The following SEC24D variants were observed in gnomAD, a reference collection of about 807,000 sequenced individuals.
The protein encoded by SEC24D is SEC24 homolog D, COPII component.
Under a neutral mutation model 116.9 loss-of-function variants are expected in SEC24D, and 69 were observed. The ratio of observed to expected loss-of-function variants is 0.59; its 90% CI spans 0.49 to 0.72. The LOEUF (loss-of-function observed/expected upper bound fraction) is 0.72, where lower values mean the gene tolerates loss of function less well. Among genes scored for constraint, SEC24D ranks in the 30% least tolerant of loss-of-function variants. The pLI is 0.00. For synonymous variants in SEC24D, 405 were observed against 442.8 expected (o/e 0.91, Z 1.07); for missense variants, 1,131 against 1,264.1 (o/e 0.89, Z 1.60).
Position 118,780,294 on chromosome 4 carries a change from C to T in SEC24D, c.1042-11983G>A, listed in dbSNP as rs186278003. Among the ~76,000 whole-genome samples the T allele has an allele frequency of 1.3e-4, 20 of 152,242 alleles. No homozygotes were observed. In the East Asian group the frequency reaches 3.1e-3, roughly 23 times the overall value. ...TATATGTGTCCCAGAGATTCTGGCA[C>T]ATTGTGTCTTTGTTCTCATTGGTTT... On this transcript the variant is annotated intron_variant, in intron 8 of 22. Coordinates refer to ENST00000280551, the MANE Select transcript of SEC24D (RefSeq NM_014822.4).
At position 118,751,859 on chromosome 4, in the gene SEC24D, G is replaced by A. The variant is rs1246950736; in HGVS notation, c.1707+137C>T. The A allele has an allele frequency of 2.3e-5, 15 of 661,912 alleles. No homozygotes were observed. In the Middle Eastern group the frequency reaches 1.0e-3, roughly 45 times the overall value. 41.0% of individuals were successfully genotyped at this position (661,912 alleles called of 1,614,324 possible). A position where few individuals can be genotyped will look rare whatever the true frequency, so the allele number is the denominator to read the frequency against. On this transcript the variant is annotated intron_variant, in intron 13 of 22. Coordinates refer to ENST00000280551, the MANE Select transcript of SEC24D (RefSeq NM_014822.4). ...TTGGTCATTTCCTCCTGAGATCTGA[G>A]TGGAAGTTTGGAATAGCCTCTAGTG...
rs201005070 is a variant in SEC24D at position 118,728,650 on chromosome 4, T to C, written c.2869A>G (p.Thr957Ala). The change falls in exon 22 of 23, where the codon ACA (threonine) becomes GCA (alanine). Residue 957 changes from threonine to alanine, a missense_variant and splice_region_variant. By Grantham distance (58) the Thr-to-Ala change is moderately conservative. Coordinates refer to ENST00000280551, the MANE Select transcript of SEC24D (RefSeq NM_014822.4). The stretch of plus-strand genomic sequence containing the variant: ...GGGTTTCCCACTTCAGGCAGCAATG[T>C]CTTAGATTTAAGAAAATCAAAGTTT... ...PSFAHINTDM[T>A]LLPEVGNPYS... 107 of 1,589,420 alleles carry C rather than the reference T, an allele frequency of 6.7e-5. No individual in the cohort carries two copies. In the East Asian group the frequency reaches 2.1e-3, roughly 31 times the overall value.
intron 6 of SEC24D, among the ~76,000 whole-genome samples, chr4:118,807,906 CTG>C (rs1477663919): frequency 2.0e-5 from 3 of 152,312 alleles, no homozygotes; most frequent in African/African-American, 7.2e-5. Flanking sequence ...AATCGAAACA[CTG>C]TAATTATATT....
At chr4:118,798,818 C>T (rs1729294252) in intron 7 of SEC24D, among the ~76,000 whole-genome samples, 1 of 152,182 alleles carries the variant, frequency 6.6e-6, no homozygotes, top group African/African-American at 2.4e-5. Flanking sequence ...GCGATTTACC[C>T]TAGTGGGTAT....
intron 13 of SEC24D, among the ~76,000 whole-genome samples, chr4:118,746,765 G>A (rs556104738): frequency 1.3e-5 from 2 of 152,186 alleles, no homozygotes; most frequent in East Asian, 3.9e-4. Context: ...TGTGCAGTAA[G>A]TGCTACTAAT....
chr4:118,748,532 G>A (rs1012092121), intron 13 of SEC24D, among the ~76,000 whole-genome samples: 2 of 152,178 alleles, frequency 1.3e-5, no homozygotes, highest in Middle Eastern at 3.4e-3. Flanking sequence ...CTATAGGAGC[G>A]AGTCATACAG....
intron 8 of SEC24D, among the ~76,000 whole-genome samples, chr4:118,796,991 A>G (rs1412411688): frequency 5.9e-5 from 9 of 152,142 alleles, no homozygotes; most frequent in Admixed American, 5.9e-4. Flanking sequence ...TTGCTCTGCT[A>G]TAGTGCCTGT....
chr4:118,737,999 T>C (rs759540106), intron 19 of SEC24D: 2 of 300,862 alleles, frequency 6.6e-6, no homozygotes, highest in East Asian at 6.7e-5. Flanking sequence ...ACTTCTTACA[T>C]ATAACATTCT....
At chr4:118,753,423 A>G (rs1726934154) in intron 11 of SEC24D, among the ~76,000 whole-genome samples, 1 of 152,156 alleles carries the variant, frequency 6.6e-6, no homozygotes, top group South Asian at 2.1e-4. Context: ...GGGGAACTAT[A>G]TACCTTATAA....
chr4:118,740,898 A>G (rs767705667), intron 16 of SEC24D, 43 bp downstream of exon 16: 6 of 1,592,236 alleles, frequency 3.8e-6, no homozygotes, highest in South Asian at 1.1e-5. Context: ...AAAAGAAACA[A>G]TTATTCAAGA....
chr4:118,741,740 T>C (rs1726232190), intron 15 of SEC24D, among the ~76,000 whole-genome samples: 1 of 152,108 alleles, frequency 6.6e-6, no homozygotes. Flanking sequence ...ACGAAGGGAA[T>C]GAAGGAGGAA....
intron 2 of SEC24D, among the ~76,000 whole-genome samples, chr4:118,828,358 C>T (rs1305354289): frequency 6.6e-6 from 1 of 152,174 alleles, no homozygotes; most frequent in Non-Finnish European, 1.5e-5. Flanking sequence ...ATCTGCCCAT[C>T]TCAGCCTCCC....
intron 8 of SEC24D, among the ~76,000 whole-genome samples, chr4:118,777,389 G>T (rs1728185955): frequency 6.6e-6 from 1 of 152,178 alleles, no homozygotes; most frequent in Non-Finnish European, 1.5e-5. Flanking sequence ...CCTTGTGACA[G>T]TTTGCTCAGA....
intron 8 of SEC24D, among the ~76,000 whole-genome samples, chr4:118,774,778 G>A (rs1728058485): frequency 6.6e-6 from 1 of 151,968 alleles, no homozygotes; most frequent in Non-Finnish European, 1.5e-5. Context: ...ATATACCTTT[G>A]CATCTTTATT....
At chr4:118,738,100 AC>A (rs1726053868) in intron 19 of SEC24D, 160 bp downstream of exon 19, 3 of 536,948 alleles carry the variant, frequency 5.6e-6, no homozygotes, top group Non-Finnish European at 1.0e-5. Context: ...AAAAAAAAAA[AC>A]CACAGCCCCC....
At chr4:118,738,169 C>G in intron 19 of SEC24D, 92 bp downstream of exon 19, 1 of 836,038 alleles carries the variant, frequency 1.2e-6, no homozygotes. Context: ...CATCTAAGTG[C>G]CTGCAACATC....
intron 18 of SEC24D, 65 bp from the exon 19 acceptor site, chr4:118,738,444 A>C: frequency 1.8e-6 from 2 of 1,107,296 alleles, no homozygotes; most frequent in Non-Finnish European, 2.8e-6. Flanking sequence ...TCAAATAATC[A>C]AACAAAAAAG....
At chr4:118,813,029 G>A (rs114082534) in intron 6 of SEC24D, among the ~76,000 whole-genome samples, 4,882 of 152,298 alleles carry the variant, frequency 0.032, 131 homozygotes, top group Non-Finnish European at 0.051. Context: ...CAAGGGGCAC[G>A]AGGGAACCTT....
rs1308876393 is a variant in SEC24D, at chr4:118,824,653, T to A, written c.215A>T (p.Asn72Ile). 47 of 1,606,816 alleles carry A rather than the reference T, an allele frequency of 2.9e-5. No individual in the cohort carries two copies. The highest frequency in any genetic ancestry group is 3.9e-5 in the Non-Finnish European group (46 of 1,177,688). Reference protein sequence around the residue: ...PPPGPHQFGQNGAHATGHPPQ... With the variant: ...PPPGPHQFGQIGAHATGHPPQ... ...AGGGTGACCAGTGGCATGAGCTCCA[T>A]TCTGACCAAACTGATGGGGTCCAGG... Residue 72 changes from asparagine (N) to isoleucine (I), a missense_variant, in exon 3 of 23, where the codon AAT becomes ATT. By Grantham distance (149) the Asn-to-Ile change is moderately radical (BLOSUM62 -3). Coordinates refer to ENST00000280551, the MANE Select transcript of SEC24D (RefSeq NM_014822.4).
Sources: gnomAD v4.1 joint callset for allele counts (sites outside exome capture counted in the v4.1 genomes callset) on GRCh38, gnomAD v4.1.1 for gene constraint, MANE v1.5 for transcripts, NCBI Gene and HGNC (gene_info 2026-07-23, HGNC 2026-07-21) for gene names.